Variants in NPLOC4 observed in about 807,000 individuals in gnomAD.
NPLOC4 encodes NPL4 homolog, ubiquitin recognition factor, also known as nuclear protein localization protein 4 homolog.
A neutral mutation model predicts 80.6 loss-of-function variants in NPLOC4; 18 were observed. The ratio of observed to expected loss-of-function variants is 0.22; its 90% confidence interval spans 0.15 to 0.33. The LOEUF (loss-of-function observed/expected upper bound fraction) is 0.33, where lower values mean the gene tolerates loss of function less well. NPLOC4 is among the 10% of genes least tolerant of loss of function. The pLI, the probability that NPLOC4 is intolerant of heterozygous loss-of-function variation, is 1.00. For synonymous variants in NPLOC4, 313 were observed against 301.5 expected, an observed-to-expected ratio of 1.04 and a Z score of -0.39; for missense variants, 540 against 786.1, an observed-to-expected ratio of 0.69 and a Z score of 3.74.
chr17:81,603,901 A>G (rs1188587040), intron 8 of NPLOC4, among the ~76,000 whole-genome samples: 1 of 152,210 alleles, frequency 6.6e-6, no homozygotes, highest in African/African-American at 2.4e-5. Flanking sequence ...CATAATTACA[A>G]AACAAATTGA....
chr17:81,578,438 G>A (rs766688128), intron 12 of NPLOC4, among the ~76,000 whole-genome samples: 1 of 152,196 alleles, frequency 6.6e-6, no homozygotes, highest in South Asian at 2.1e-4. Flanking sequence ...CCTGACCCAC[G>A]GGAAGCTCTC....
At chr17:81,582,638 A>G (rs1460810939) in intron 12 of NPLOC4, among the ~76,000 whole-genome samples, 4 of 152,224 alleles carry the variant, frequency 2.6e-5, no homozygotes, top group African/African-American at 9.6e-5. Context: ...CCTGAGCTCA[A>G]GCAATTCTCC....
intron 3 of NPLOC4, 97 bp downstream of exon 3, chr17:81,622,069 G>A (rs1181844442): frequency 9.9e-6 from 8 of 808,124 alleles, no homozygotes; most frequent in South Asian, 6.9e-5. Context: ...ATAATGAGTG[G>A]TGTGATGAGG....
At chr17:81,597,121 C>G in intron 10 of NPLOC4, 124 bp downstream of exon 10, 1 of 687,756 alleles carries the variant, frequency 1.5e-6, no homozygotes. Context: ...TCAAAAAATA[C>G]AAATAAATAA....
chr17:81,588,114 G>C (rs984037325), intron 12 of NPLOC4: 1 of 152,220 alleles, frequency 6.6e-6, no homozygotes, highest in African/African-American at 2.4e-5. Flanking sequence ...AACTGCAGAT[G>C]AGACACTGTA....
chr17:81,563,626 C>A, intron 16 of NPLOC4: 1 of 216,368 alleles, frequency 4.6e-6, no homozygotes. Context: ...GTTAGAACTG[C>A]ATCAAAGGGC....
chr17:81,576,491 A>C (rs1029994874), intron 12 of NPLOC4, among the ~76,000 whole-genome samples: 1 of 152,220 alleles, frequency 6.6e-6, no homozygotes, highest in Non-Finnish European at 1.5e-5. Flanking sequence ...TTGACTATAT[A>C]TGGAGGTCCT....
At chr17:81,624,641 C>G (rs1270716637) in intron 2 of NPLOC4, among the ~76,000 whole-genome samples, 5 of 152,130 alleles carry the variant, frequency 3.3e-5, no homozygotes, top group Non-Finnish European at 7.4e-5. Context: ...TGCTGTCAAG[C>G]AGTTTACCAA....
At chr17:81,610,675 GGGCGC>G (rs2035317739) in intron 4 of NPLOC4, among the ~76,000 whole-genome samples, 1 of 94,158 alleles carries the variant, frequency 1.1e-5, no homozygotes. Flanking sequence ...AAACCAGGCC[GGGCGC>G]GGTGGCTCAC....
chr17:81,597,101 A>C (rs2034928282), intron 10 of NPLOC4, 144 bp downstream of exon 10: 3 of 602,608 alleles, frequency 5.0e-6, no homozygotes, highest in Non-Finnish European at 8.7e-6. Flanking sequence ...CAAAAGAGCA[A>C]GACTCCGTCT....
intron 1 of NPLOC4, among the ~76,000 whole-genome samples, chr17:81,632,658 G>A (rs2035962666): frequency 6.6e-6 from 1 of 151,992 alleles, no homozygotes; most frequent in South Asian, 2.1e-4. Context: ...TTTTCTGTGA[G>A]GTTACCACGA....
At chr17:81,600,514 C>A in intron 8 of NPLOC4, 87 bp from the exon 9 acceptor site, 1 of 992,114 alleles carries the variant, frequency 1.0e-6, no homozygotes, top group South Asian at 1.4e-5. Flanking sequence ...AGCTCTAGGT[C>A]ACAAGGAGTG....
intron 8 of NPLOC4, among the ~76,000 whole-genome samples, chr17:81,603,679 C>A (rs2144212192): frequency 6.6e-6 from 1 of 152,284 alleles, no homozygotes; most frequent in South Asian, 2.1e-4. Context: ...ATACCCACCA[C>A]TAGATTCACC....
In NPLOC4 at chr17:81,623,729, C is replaced by T. The variant is rs375608281; in HGVS notation, c.97-1451G>A. ...AGGAGAGTGGCGTGAACCCGGGAGG[C>T]GGAGCTTGCAGTGAGCCGAGATCGC... is the stretch of plus-strand genomic sequence containing the variant. On this transcript the variant is annotated intron_variant, in intron 2 of 16. Coordinates refer to ENST00000331134, the MANE Select transcript of NPLOC4 (RefSeq NM_017921.4). 4.2e-4 allele frequency among the ~76,000 whole-genome samples: 62 copies of T among 147,432 alleles called. No individual in the cohort carries two copies. The East Asian group carries it at 0.011, about 27-fold the overall frequency.
At chr17:81,585,320 G>C (rs1219702428) in intron 12 of NPLOC4, among the ~76,000 whole-genome samples, 3 of 151,842 alleles carry the variant, frequency 2.0e-5, no homozygotes, top group African/African-American at 4.8e-5. Flanking sequence ...GGAAACAAAA[G>C]TTTGCTTTTA....
intron 8 of NPLOC4, among the ~76,000 whole-genome samples, chr17:81,600,953 C>T (rs1376444875): frequency 6.6e-6 from 1 of 152,186 alleles, no homozygotes; most frequent in African/African-American, 2.4e-5. Context: ...ATGAACTCCA[C>T]AGAGAGCGAT....
chr17:81,631,461 TTC>T (rs1491208649), intron 1 of NPLOC4, among the ~76,000 whole-genome samples: 4,850 of 44,354 alleles, frequency 0.11, 214 homozygotes, highest in East Asian at 0.54. Flanking sequence ...TTTTTTTTTT[TTC>T]CCCCACGGCA....
intron 3 of NPLOC4, among the ~76,000 whole-genome samples, chr17:81,617,533 G>C (rs538686441): frequency 6.6e-6 from 1 of 152,268 alleles, no homozygotes; most frequent in South Asian, 2.1e-4. Context: ...AATTAGGCCG[G>C]GCACAGTGGC....
chr17:81,612,992 C>T (rs1233239076), intron 4 of NPLOC4: 1 of 198,384 alleles, frequency 5.0e-6, no homozygotes, highest in African/African-American at 2.4e-5. Flanking sequence ...CGGGAATCAG[C>T]ATCTCCAGGG....
Sources: gnomAD v4.1 joint callset for allele counts (sites outside exome capture counted in the v4.1 genomes callset) on GRCh38, gnomAD v4.1.1 for gene constraint, MANE v1.5 for transcripts, NCBI Gene and HGNC (gene_info 2026-07-23, HGNC 2026-07-21) for gene names.